Variants in HTT observed in about 807,000 individuals in gnomAD.
The protein encoded by HTT is huntington disease protein.
HTT carries 104 observed loss-of-function variants against 362.3 expected under a neutral mutation model. The ratio of observed to expected loss-of-function variants is 0.29; its 90% CI spans 0.24 to 0.34. The LOEUF (loss-of-function observed/expected upper bound fraction) is 0.34, where lower values mean the gene tolerates loss of function less well. HTT is among the 10% of genes least tolerant of loss of function. HTT has a pLI of 1.00. For synonymous variants in HTT, 1,577 were observed against 1,548.7 expected (o/e 1.02, Z -0.43); for missense variants, 3,301 against 3,928.6 (o/e 0.84, Z 4.27).
At chr4:3,207,260 T>C in intron 44 of HTT, 21 bp from the exon 45 acceptor site, 1 of 1,601,670 alleles carries the variant, frequency 6.2e-7, no homozygotes, top group African/African-American at 1.3e-5. Flanking sequence ...ACAAACACAC[T>C]AATGTGTTTT....
chr4:3,126,298 C>T (rs1022522172), intron 11 of HTT, among the ~76,000 whole-genome samples: 1 of 152,178 alleles, frequency 6.6e-6, no homozygotes, highest in Non-Finnish European at 1.5e-5. Flanking sequence ...AAGTGATCTG[C>T]CTGCCTCAGC....
intron 29 of HTT, among the ~76,000 whole-genome samples, chr4:3,167,111 G>T (rs186759406): frequency 6.6e-6 from 1 of 152,156 alleles, no homozygotes; most frequent in African/African-American, 2.4e-5. Flanking sequence ...TTGCTCTGTC[G>T]CCCAGGCTGA....
intron 51 of HTT, among the ~76,000 whole-genome samples, chr4:3,215,700 C>T (rs147316592): frequency 2.0e-5 from 3 of 151,854 alleles, no homozygotes; most frequent in African/African-American, 4.8e-5. Context: ...AAGAAAATTC[C>T]GCTTTTCCTA....
At chr4:3,156,897 A>G (rs1250934075) in intron 27 of HTT, among the ~76,000 whole-genome samples, 175 bp from the exon 28 acceptor site, 6 of 152,234 alleles carry the variant, frequency 3.9e-5, no homozygotes, top group Non-Finnish European at 7.3e-5. Flanking sequence ...CTTAGGCTCT[A>G]CTTATGTTTG....
intron 47 of HTT, among the ~76,000 whole-genome samples, chr4:3,210,919 T>TTTTTTTTTTTGA (rs1720125781): frequency 6.6e-6 from 1 of 150,638 alleles, no homozygotes; most frequent in African/African-American, 2.4e-5. Flanking sequence ...TTTTTTTTTT[T>TTTTTTTTTTTGA]GAGACAAAGT....
rs149040731 is a variant in HTT, at chr4:3,235,431, C to T, written c.8571+33C>T. On this transcript the variant is annotated intron_variant, in intron 62 of 66. Coordinates refer to ENST00000355072, the MANE Select transcript of HTT (RefSeq NM_001388492.1). ...GGCCCTGGCTGTCTTCCTCTGCACA[C>T]GGGGAGTGGGCTTCCCTTCTCTTTT... 7.2e-5 allele frequency: 109 copies of T among 1,515,142 alleles called. 2 individuals are homozygous for T. The African/African-American group carries it at 7.3e-4, about 10-fold the overall frequency. The allele number at this position is 1,515,142 out of a possible 1,614,324, so 93.9% of individuals were successfully genotyped here.
chr4:3,170,623 G>C (rs1717925307), intron 29 of HTT, among the ~76,000 whole-genome samples: 1 of 152,058 alleles, frequency 6.6e-6, no homozygotes, highest in South Asian at 2.1e-4. Flanking sequence ...TGGCTGTCTT[G>C]GTCTCCTTAG....
At chr4:3,119,309 A>C (rs1715182393) in intron 8 of HTT, among the ~76,000 whole-genome samples, 1 of 152,236 alleles carries the variant, frequency 6.6e-6, no homozygotes, top group Non-Finnish European at 1.5e-5. Flanking sequence ...AGCAAGATTT[A>C]TAAAGGAAAT....
chr4:3,193,692 G>C (rs777851671), intron 40 of HTT, among the ~76,000 whole-genome samples: 1 of 152,216 alleles, frequency 6.6e-6, no homozygotes, highest in African/African-American at 2.4e-5. Context: ...TTAGCCACAT[G>C]TGGTGTTCTG....
chr4:3,089,801 T>G (rs1713406560), intron 2 of HTT, among the ~76,000 whole-genome samples: 1 of 152,238 alleles, frequency 6.6e-6, no homozygotes, highest in Admixed American at 6.5e-5. Context: ...TGTTGAGACA[T>G]CTTAAGATTG....
intron 37 of HTT, among the ~76,000 whole-genome samples, chr4:3,183,807 C>T (rs1334579747): frequency 1.3e-5 from 2 of 152,130 alleles, no homozygotes; most frequent in South Asian, 2.1e-4. Context: ...TAATATCTGC[C>T]GCAATGGAAA....
intron 36 of HTT, 40 bp from the exon 37 acceptor site, chr4:3,182,314 C>A: frequency 7.4e-7 from 1 of 1,352,506 alleles, no homozygotes; most frequent in Non-Finnish European, 1.1e-6. Flanking sequence ...GGAAAGGCGT[C>A]TCTTGGCAGC....
At chr4:3,075,501 T>C (rs1712475624) in intron 1 of HTT, among the ~76,000 whole-genome samples, 1 of 152,278 alleles carries the variant, frequency 6.6e-6, no homozygotes, top group Non-Finnish European at 1.5e-5. Context: ...CGAGATTTGC[T>C]CAGTGCCACT....
chr4:3,235,960 A>G (rs1312636086), intron 63 of HTT, among the ~76,000 whole-genome samples, 182 bp downstream of exon 63: 1 of 152,192 alleles, frequency 6.6e-6, no homozygotes, highest in Non-Finnish European at 1.5e-5. Flanking sequence ...GTACCTGGTC[A>G]GGGTTGACCG....
At position 3,131,757 on chromosome 4, in the gene HTT, G is replaced by C; in HGVS notation, c.2218G>C (p.Asp740His). Residue 740 changes from aspartate (D) to histidine (H), a missense_variant, in exon 16 of 67, where the codon GAC becomes CAC. Asp to His is a moderately conservative substitution (Grantham distance 81). Coordinates refer to ENST00000355072, the MANE Select transcript of HTT (RefSeq NM_001388492.1). ...CAGCAAACTCTATAAAGTTCCTCTT[G>C]ACACCACGGAATACCCTGGTATGTT... ...FFSKLYKVPL[D>H]TTEYPEEQYV... 1 of 1,613,978 alleles carries C rather than the reference G, an allele frequency of 6.2e-7. No homozygotes were observed. Among genetic ancestry groups the C allele is most frequent in the Middle Eastern group, 1.7e-4 (1 of 6,038 alleles).
chr4:3,229,109 G>A (rs954882508), intron 59 of HTT, 100 bp downstream of exon 59: 4 of 1,173,190 alleles, frequency 3.4e-6, no homozygotes, highest in Non-Finnish European at 4.8e-6. Flanking sequence ...CATGCCACTT[G>A]CACACACACC....
rs765244606 is a variant in HTT at position 3,115,402 on chromosome 4, A to G, written c.846A>G (p.Arg282=). 19 of 1,613,942 alleles carry G rather than the reference A, an allele frequency of 1.2e-5. No homozygotes were observed. The highest frequency in any genetic ancestry group is 1.6e-5 in the Non-Finnish European group (19 of 1,179,798). The change falls in exon 7 of 67, where the codon AGA becomes AGG. Residue 282 remains arginine (R), a synonymous_variant. Transcript: ENST00000355072. ...GSAVSICQHS[R]RTQYFYSWLL... is the part of the protein sequence containing the mutation. ...CAGTGAGCATCTGCCAGCACTCAAGAAGGACACAATATTTCTATAGTTGGC... is the reference window on the plus strand; with the variant it reads ...CAGTGAGCATCTGCCAGCACTCAAGGAGGACACAATATTTCTATAGTTGGC...
intron 64 of HTT, among the ~76,000 whole-genome samples, chr4:3,238,200 G>A (rs753104046): frequency 1.2e-4 from 18 of 152,308 alleles, no homozygotes; most frequent in Non-Finnish European, 2.2e-4. Flanking sequence ...GGCCTGTGCC[G>A]AGCAGCCTGC....
chr4:3,074,933 G>GCAA lies in HTT; in HGVS notation c.111_113dup (p.Gln38dup), dbSNP rs760743124. 4.9e-5 allele frequency: 71 copies of GCAA among 1,443,942 alleles called. 1 individual carries two copies. Among genetic ancestry groups the GCAA allele is most frequent in the Middle Eastern group, 2.3e-4 (1 of 4,268 alleles). 89.4% of individuals were successfully genotyped at this position (1,443,942 alleles called of 1,614,324 possible). On this transcript the variant is annotated inframe_insertion, in exon 1 of 67. Coordinates refer to ENST00000355072, the MANE Select transcript of HTT (RefSeq NM_001388492.1). Reference sequence around the variant, plus strand: ...AGCAGCAGCAGCAGCAGCAGCAGCAGCAACAGCCGCCACCGCCGCCGCCGC... The same window carrying GCAA: ...AGCAGCAGCAGCAGCAGCAGCAGCAGCAACAACAGCCGCCACCGCCGCCGCCGC...
Sources: allele counts gnomAD v4.1 joint callset (sites outside exome capture counted in the v4.1 genomes callset), GRCh38; gene constraint gnomAD v4.1.1; transcripts MANE v1.5; gene names NCBI Gene and HGNC (gene_info 2026-07-23, HGNC 2026-07-21).